KIRREL3: variants seen among roughly 807,000 people sequenced by gnomAD.
KIRREL3 encodes kirre like nephrin family adhesion molecule 3.
Under a neutral mutation model 89.7 loss-of-function variants are expected in KIRREL3, and 36 were observed. The observed-to-expected ratio is 0.40, with a 90% CI of 0.31 to 0.53. KIRREL3 has a LOEUF of 0.53. KIRREL3 is among the 20% of genes least tolerant of loss of function. The probability of loss-of-function intolerance (pLI) is 0.49; values close to 1 mark genes in which losing one functional copy is unlikely to be tolerated. For missense variants in KIRREL3, 864 were observed against 1,056.6 expected (o/e 0.82, Z 2.53); for synonymous variants, 445 against 441.4 (o/e 1.01, Z -0.10).
At chr11:126,887,090 C>A (rs1040562173) in intron 1 of KIRREL3, among the ~76,000 whole-genome samples, 1 of 152,152 alleles carries the variant, frequency 6.6e-6, no homozygotes, top group Non-Finnish European at 1.5e-5. Context: ...AGGAAAAGCA[C>A]AGGGGGACAG....
At position 126,924,210 on chromosome 11, in the gene KIRREL3, T is replaced by C. The variant is rs558907321; in HGVS notation, c.55+76245A>G. 6.6e-6 allele frequency among the ~76,000 whole-genome samples: 1 copy of C among 152,292 alleles called. No individual in the cohort carries two copies. The highest frequency in any genetic ancestry group is 2.1e-4 in the South Asian group (1 of 4,822). ...CCCCTTTCCCTGGCTCAGGCCACCA[T>C]CACCTTTGACCTGAATGCATCCACG... On this transcript the variant is annotated intron_variant, in intron 1 of 16. Transcript: ENST00000525144. This position sits in a 1 kb window ranked among gnomAD's most constrained non-coding sequence, Gnocchi z 4.7.
Position 126,424,942 on chromosome 11 carries a change from G to A in KIRREL3, c.1975C>T (p.Pro659Ser), listed in dbSNP as rs540776882. The A allele has an allele frequency of 1.0e-5, 16 of 1,597,596 alleles. No individual in the cohort carries two copies. The South Asian group carries it at 1.0e-4, about 10-fold the overall frequency. ...TGCTTGCCCGCAGGACGCAGGTCGG[G>A]CTGGCAGCTGGAGAGGGAGATGGTC... ...TPTISLSSCQ[P>S]DLRPAGKQRV... Residue 659 changes from proline to serine, a missense_variant, in exon 17 of 17, where the codon CCC becomes TCC. Transcript: ENST00000525144.
chr11:126,680,560 G>GA (rs1213391228), intron 1 of KIRREL3, among the ~76,000 whole-genome samples: 1 of 151,872 alleles, frequency 6.6e-6, no homozygotes, highest in Non-Finnish European at 1.5e-5. Flanking sequence ...TCTAGAGAGG[G>GA]AAAAAAAGTC....
intron 1 of KIRREL3, among the ~76,000 whole-genome samples, chr11:126,654,931 C>A (rs1174757464): frequency 6.6e-6 from 1 of 152,186 alleles, no homozygotes; most frequent in Non-Finnish European, 1.5e-5. Flanking sequence ...TTCATTCACC[C>A]CAGAGGCCGC....
intron 1 of KIRREL3, chr11:126,944,293 CGTGT>C (rs1171869154): frequency 1.3e-5 from 2 of 152,146 alleles, no homozygotes; most frequent in East Asian, 3.9e-4. Flanking sequence ...ATATTCCATA[CGTGT>C]GTGTTTTTCT....
intron 1 of KIRREL3, among the ~76,000 whole-genome samples, chr11:126,949,317 C>T (rs1948711141): frequency 6.6e-6 from 1 of 152,118 alleles, no homozygotes; most frequent in Non-Finnish European, 1.5e-5. Context: ...GGTCTTCTGT[C>T]AGGGGGAGGT....
intron 2 of KIRREL3, among the ~76,000 whole-genome samples, chr11:126,560,048 T>A (rs756476870): frequency 1.3e-5 from 2 of 152,150 alleles, no homozygotes; most frequent in Non-Finnish European, 2.9e-5. Context: ...TTGGTATTAT[T>A]TTTATGGTAT....
intron 1 of KIRREL3, among the ~76,000 whole-genome samples, chr11:126,925,005 G>T (rs575038898): frequency 6.9e-6 from 1 of 144,186 alleles, no homozygotes; most frequent in East Asian, 2.1e-4. Context: ...TAGGAGTTAT[G>T]CCCTTAGGGC....
At chr11:126,493,337 C>T (rs184615526) in intron 4 of KIRREL3, among the ~76,000 whole-genome samples, 2 of 152,072 alleles carry the variant, frequency 1.3e-5, no homozygotes, top group Admixed American at 6.6e-5. Context: ...CTGGCTAACA[C>T]GGTGAAACCC....
At chr11:126,644,671 A>G (rs1944596904) in intron 1 of KIRREL3, among the ~76,000 whole-genome samples, 2 of 152,230 alleles carry the variant, frequency 1.3e-5, no homozygotes, top group African/African-American at 2.4e-5. Flanking sequence ...GAGATGGTAC[A>G]GTGGATGGAA....
chr11:126,627,444 T>A lies in KIRREL3; in HGVS notation c.56-64532A>T, dbSNP rs1943838973. Among the ~76,000 whole-genome samples, 1 of 152,156 alleles carries A rather than the reference T, an allele frequency of 6.6e-6. No homozygotes were observed. Among genetic ancestry groups the A allele is most frequent in the South Asian group, 2.1e-4 (1 of 4,830 alleles). On this transcript the variant is annotated intron_variant, in intron 1 of 16. Coordinates refer to ENST00000525144, the MANE Select transcript of KIRREL3 (RefSeq NM_032531.4). The surrounding 1 kb of genome is among the most constrained non-coding windows in gnomAD (Gnocchi z 5.0). The stretch of plus-strand genomic sequence containing the variant: ...GTCCTTGCTGGGACAACCAGTGGCG[T>A]CATCTTCACCAAGTCTAGGGTGGTC...
At chr11:126,959,140 C>T (rs748158388) in intron 1 of KIRREL3, among the ~76,000 whole-genome samples, 1 of 152,238 alleles carries the variant, frequency 6.6e-6, no homozygotes, top group African/African-American at 2.4e-5. Context: ...CTGGCTAGAA[C>T]ATTGGCTGTT....
intron 1 of KIRREL3, among the ~76,000 whole-genome samples, chr11:126,869,349 G>A (rs985760631): frequency 1.2e-4 from 18 of 152,026 alleles, no homozygotes; most frequent in African/African-American, 4.4e-4. Context: ...TGACTTGCTG[G>A]ATAAGGAACC....
chr11:126,600,243 G>A (rs1942593856), intron 1 of KIRREL3, among the ~76,000 whole-genome samples: 1 of 152,182 alleles, frequency 6.6e-6, no homozygotes, highest in Admixed American at 6.5e-5. Context: ...TGACAAGCAT[G>A]TGAGTGAGCT....
intron 1 of KIRREL3, among the ~76,000 whole-genome samples, chr11:126,603,036 A>G (rs1272074185): frequency 1.3e-5 from 2 of 152,126 alleles, no homozygotes; most frequent in Non-Finnish European, 2.9e-5. Context: ...GGAACCCTAG[A>G]ACATGCTCCT....
chr11:126,466,520 C>A (rs908594606), intron 5 of KIRREL3, among the ~76,000 whole-genome samples: 1 of 152,172 alleles, frequency 6.6e-6, no homozygotes, highest in African/African-American at 2.4e-5. Flanking sequence ...CAGGACAGGG[C>A]GGGATGTGGA....
In KIRREL3 at chr11:126,931,137, C is replaced by T. The variant is rs1947932928; in HGVS notation, c.55+69318G>A. Among the ~76,000 whole-genome samples, 2 of 152,194 alleles carry T rather than the reference C, an allele frequency of 1.3e-5. No individual in the cohort carries two copies. The highest frequency in any genetic ancestry group is 2.9e-5 in the Non-Finnish European group (2 of 68,034). On this transcript the variant is annotated intron_variant, in intron 1 of 16. Transcript: ENST00000525144. This position sits in a 1 kb window ranked among gnomAD's most constrained non-coding sequence, Gnocchi z 5.1. ...CTCATCTCAGCATGGAACTTATGTGCACTACCTGTGTTTGTCTGCTGGTCT... is the reference window on the plus strand; with the variant it reads ...CTCATCTCAGCATGGAACTTATGTGTACTACCTGTGTTTGTCTGCTGGTCT...
intron 2 of KIRREL3, among the ~76,000 whole-genome samples, chr11:126,543,776 A>G (rs936258189): frequency 6.6e-6 from 1 of 152,214 alleles, no homozygotes; most frequent in Non-Finnish European, 1.5e-5. Flanking sequence ...CACCACTTTT[A>G]ATCCTAATCC....
intron 1 of KIRREL3, among the ~76,000 whole-genome samples, chr11:126,973,756 C>A (rs1652885704): frequency 6.6e-6 from 1 of 152,132 alleles, no homozygotes; most frequent in African/African-American, 2.4e-5. Flanking sequence ...TAATGATATA[C>A]ACAAAGTATG....
Sources: allele counts gnomAD v4.1 joint callset (sites outside exome capture counted in the v4.1 genomes callset), GRCh38; gene constraint gnomAD v4.1.1; non-coding constraint Gnocchi (gnomAD v3.1); transcripts MANE v1.5; gene names NCBI Gene and HGNC (gene_info 2026-07-23, HGNC 2026-07-21).